NOTCH2NLC: variants seen among roughly 807,000 people sequenced by gnomAD.
NOTCH2NLC encodes notch 2 N-terminal like C, also known as notch homolog 2 N-terminal-like protein C.
Under a neutral mutation model 17.7 loss-of-function variants are expected in NOTCH2NLC, and 4 were observed. The ratio of observed to expected loss-of-function variants is 0.23; its 90% CI spans 0.11 to 0.52. NOTCH2NLC has a LOEUF of 0.52. Among genes scored for constraint, NOTCH2NLC ranks in the 20% least tolerant of loss-of-function variants. The pLI, the probability that NOTCH2NLC is intolerant of heterozygous loss-of-function variation, is 0.96. For synonymous variants in NOTCH2NLC, 18 were observed against 86.0 expected, an observed-to-expected ratio of 0.21 and a Z score of 4.38; for missense variants, 57 against 207.2, an observed-to-expected ratio of 0.28 and a Z score of 4.45.
chr1:149,457,675 A>G (rs1416866783), intron 3 of NOTCH2NLC, among the ~76,000 whole-genome samples: 2 of 148,780 alleles, frequency 1.3e-5, no homozygotes, highest in Non-Finnish European at 3.0e-5. Flanking sequence ...GGGGTTCGAT[A>G]TTTGAGGGCA....
chr1:149,392,940 G>T (rs2084183306), intron 1 of NOTCH2NLC, among the ~76,000 whole-genome samples: 1 of 149,312 alleles, frequency 6.7e-6, no homozygotes, highest in Non-Finnish European at 1.5e-5. Flanking sequence ...GCGTAGTGGC[G>T]GGCGCCTGTA....
At chr1:149,414,459 C>T (rs1198071540) in intron 1 of NOTCH2NLC, among the ~76,000 whole-genome samples, 15 of 150,588 alleles carry the variant, frequency 1.0e-4, no homozygotes, top group African/African-American at 3.4e-4. Context: ...TACTCTTGAG[C>T]GCATATGTAT....
At chr1:149,427,028 A>G (rs1393557347) in intron 1 of NOTCH2NLC, among the ~76,000 whole-genome samples, 185 of 134,874 alleles carry the variant, frequency 1.4e-3, no homozygotes, top group Middle Eastern at 7.7e-3. Context: ...AGAATTGTCA[A>G]TTTATAGTTG....
In NOTCH2NLC at chr1:149,460,187, T is replaced by C. The variant is rs2084633817; in HGVS notation, c.470-3304T>C. ...GTTGTTTTGCTATTAGGAGGCAAAGTAGGGGGGCATATACCCACTTAAAAT... is the reference window on the plus strand; with the variant it reads ...GTTGTTTTGCTATTAGGAGGCAAAGCAGGGGGGCATATACCCACTTAAAAT... On this transcript the variant is annotated intron_variant, in intron 3 of 4. Transcript: ENST00000650865. Among the ~76,000 whole-genome samples, 4 of 144,232 alleles carry C rather than the reference T, an allele frequency of 2.8e-5. No homozygotes were observed. In the South Asian group the frequency reaches 9.1e-4, roughly 33 times the overall value. 94.6% of individuals were successfully genotyped at this position (144,232 alleles called of 152,430 possible). A position where few individuals can be genotyped will look rare whatever the true frequency, so the allele number is the denominator to read the frequency against.
intron 1 of NOTCH2NLC, among the ~76,000 whole-genome samples, chr1:149,428,736 A>G (rs2084426517): frequency 6.8e-6 from 1 of 147,012 alleles, no homozygotes. Context: ...GCCCCCATGA[A>G]GTTGTGCTTT....
Position 149,448,961 on chromosome 1 carries a change from A to G in NOTCH2NLC, c.210-6357A>G, listed in dbSNP as rs1415250544. ...CAGTGGCGCGATCTTGGCTCACTGC[A>G]ACCTCCAACTTCTGGGTTCATGCCA... On this transcript the variant is annotated intron_variant, in intron 2 of 4. Transcript: ENST00000650865. Among the ~76,000 whole-genome samples the G allele has an allele frequency of 4.2e-5, 6 of 144,546 alleles. 1 individual carries two copies. Among genetic ancestry groups the G allele is most frequent in the Admixed American group, 2.1e-4 (3 of 14,230 alleles). The allele number at this position is 144,546 out of a possible 152,430, so 94.8% of individuals were successfully genotyped here.
chr1:149,404,171 T>A, intron 1 of NOTCH2NLC, among the ~76,000 whole-genome samples: 1 of 147,900 alleles, frequency 6.8e-6, no homozygotes, highest in East Asian at 2.1e-4. Flanking sequence ...TTTCCAAATT[T>A]CCTATGATAT....
At chr1:149,449,609 G>T (rs1312792129) in intron 2 of NOTCH2NLC, among the ~76,000 whole-genome samples, 2 of 150,946 alleles carry the variant, frequency 1.3e-5, no homozygotes, top group Non-Finnish European at 3.0e-5. Flanking sequence ...AAATTGTAGA[G>T]AGACAAAGTT....
intron 1 of NOTCH2NLC, among the ~76,000 whole-genome samples, chr1:149,429,466 T>C (rs2084431818): frequency 6.7e-6 from 1 of 150,084 alleles, no homozygotes; most frequent in Admixed American, 6.6e-5. Flanking sequence ...CACCTGAGAA[T>C]GGGTATAATG....
chr1:149,410,580 C>CA (rs1414574180), intron 1 of NOTCH2NLC, among the ~76,000 whole-genome samples: 4 of 135,508 alleles, frequency 3.0e-5, no homozygotes, highest in African/African-American at 1.1e-4. Context: ...TGTATGTACA[C>CA]AAAATTGATG....
intron 2 of NOTCH2NLC, among the ~76,000 whole-genome samples, chr1:149,435,882 G>A (rs1325094879): frequency 2.7e-5 from 4 of 148,172 alleles, no homozygotes; most frequent in African/African-American, 1.0e-4. Context: ...GCATGAACTG[G>A]GGTGTACCTT....
chr1:149,428,559 A>G (rs2084425069), intron 1 of NOTCH2NLC, among the ~76,000 whole-genome samples: 1 of 150,894 alleles, frequency 6.6e-6, no homozygotes, highest in African/African-American at 2.4e-5. Flanking sequence ...TTTTGCACCC[A>G]TGGCATTCTG....
Position 149,390,838 on chromosome 1 carries a change from C to A in NOTCH2NLC, c.51C>A (p.Gly17=), listed in dbSNP as rs1396053493. 0.11 allele frequency: 149,375 copies of A among 1,336,806 alleles called. 26,843 individuals carry two copies. The highest frequency in any genetic ancestry group is 0.34 in the East Asian group (10,316 of 30,190). The allele number at this position is 1,336,806 out of a possible 1,614,324, so 82.8% of individuals were successfully genotyped here. The part of the protein sequence containing the change: ...GGGGGGGGGG[G]GDREDARPAP... ...GCGGCGGCGGCGGCGGCGGAGGAGGCGGCGACCGAGAAGATGCCCGCCCTG... is the reference window on the plus strand; with the variant it reads ...GCGGCGGCGGCGGCGGCGGAGGAGGAGGCGACCGAGAAGATGCCCGCCCTG... Residue 17 remains glycine, a synonymous_variant, in exon 1 of 5, where the codon GGC becomes GGA. Coordinates refer to ENST00000650865, the MANE Select transcript of NOTCH2NLC (RefSeq NM_001364013.2).
intron 1 of NOTCH2NLC, among the ~76,000 whole-genome samples, chr1:149,398,747 C>G (rs1352053259): frequency 6.6e-6 from 1 of 151,134 alleles, no homozygotes; most frequent in Non-Finnish European, 1.5e-5. Context: ...TTTTTCTTTC[C>G]ATTGGACTGA....
Position 149,460,871 on chromosome 1 carries a change from CTTT to C in NOTCH2NLC, c.470-2619_470-2617del, listed in dbSNP as rs2084642704. On this transcript the variant is annotated intron_variant, in intron 3 of 4. Transcript: ENST00000650865. ...TCTTTCTCCCTTTCTTTCTTTCTTT[CTTT>C]CTTTCTTTCTTTCTTTCTTTCTTTC... 1.2e-3 allele frequency among the ~76,000 whole-genome samples: 61 copies of C among 52,908 alleles called. 2 individuals are homozygous for C. The South Asian group carries it at 0.013, about 11-fold the overall frequency. 34.7% of individuals were successfully genotyped at this position (52,908 alleles called of 152,430 possible).
rs2084715778 is a variant in NOTCH2NLC, at chr1:149,471,018, CT to C, written c.*6866del. On this transcript the variant is annotated 3_prime_UTR_variant, in exon 5 of 5. Transcript: ENST00000650865. ...TGTCTGTCTTTTTTATTATATTCAT[CT>C]GTAATGTGAAGTGTTTATCTCATTG... 2.0e-5 allele frequency among the ~76,000 whole-genome samples: 3 copies of C among 148,772 alleles called. No homozygotes were observed. The highest frequency in any genetic ancestry group is 4.3e-4 in the South Asian group (2 of 4,654).
Position 149,471,292 on chromosome 1 carries a change from A to G in NOTCH2NLC, c.*7139A>G, listed in dbSNP as rs1419006490. On this transcript the variant is annotated 3_prime_UTR_variant, in exon 5 of 5. Coordinates refer to ENST00000650865, the MANE Select transcript of NOTCH2NLC (RefSeq NM_001364013.2). ...TATGTACTGTCTTTTCACATTCTTG[A>G]TGATATACTTTTCAGCCCAAATGTT... 7.0e-3 allele frequency among the ~76,000 whole-genome samples: 1,059 copies of G among 150,888 alleles called. 26 individuals carry two copies. The highest frequency in any genetic ancestry group is 0.011 in the Admixed American group (170 of 15,110).
At chr1:149,451,193 T>A (rs2084589342) in intron 2 of NOTCH2NLC, among the ~76,000 whole-genome samples, 2 of 144,698 alleles carry the variant, frequency 1.4e-5, no homozygotes, top group African/African-American at 5.1e-5. Flanking sequence ...GTACATGGAG[T>A]GGTTAGCAAT....
chr1:149,424,214 T>A (rs1326954125), intron 1 of NOTCH2NLC, among the ~76,000 whole-genome samples: 1 of 151,372 alleles, frequency 6.6e-6, no homozygotes, highest in Non-Finnish European at 1.5e-5. Context: ...CTGATAAACC[T>A]GAATAAATAA....
Sources: gnomAD v4.1 joint callset for allele counts (sites outside exome capture counted in the v4.1 genomes callset) on GRCh38, gnomAD v4.1.1 for gene constraint, MANE v1.5 for transcripts, NCBI Gene and HGNC (gene_info 2026-07-23, HGNC 2026-07-21) for gene names.